Variants in TMEM135 observed in about 807,000 individuals in gnomAD.
TMEM135 encodes transmembrane protein 135, also known as peroxisomal membrane protein 52.
TMEM135 carries 30 observed loss-of-function variants against 60.3 expected under a neutral mutation model. The observed-to-expected ratio is 0.50, with a 90% CI of 0.37 to 0.68. The LOEUF is 0.68. Ranked by LOEUF, TMEM135 falls within the 30% of genes least tolerant of loss-of-function variation. The pLI is 0.00. For synonymous variants in TMEM135, 190 were observed against 186.7 expected (o/e 1.02, Z -0.14); for missense variants, 468 against 548.8 (o/e 0.85, Z 1.47).
intron 5 of TMEM135, among the ~76,000 whole-genome samples, chr11:87,163,463 G>A (rs1286556315): frequency 1.3e-5 from 2 of 150,008 alleles, no homozygotes; most frequent in African/African-American, 4.9e-5. Context: ...TTGGTTCCAA[G>A]TCTTTGCTAT....
intron 4 of TMEM135, among the ~76,000 whole-genome samples, chr11:87,107,269 G>GT (rs886988608): frequency 2.0e-4 from 30 of 151,806 alleles, no homozygotes; most frequent in African/African-American, 5.1e-4. Context: ...ATTATTCATA[G>GT]TTTTTTTTAT....
chr11:87,239,276 A>C (rs1410293937), intron 6 of TMEM135, among the ~76,000 whole-genome samples: 1 of 152,112 alleles, frequency 6.6e-6, no homozygotes, highest in Non-Finnish European at 1.5e-5. Flanking sequence ...TCCTAAAAGA[A>C]GTACTATCAC....
intron 6 of TMEM135, among the ~76,000 whole-genome samples, chr11:87,276,558 TTGTGTG>T (rs199780176): frequency 1.3e-5 from 2 of 148,788 alleles, no homozygotes; most frequent in South Asian, 2.1e-4. Context: ...ATAAGAGTGT[TTGTGTG>T]TGTGTGTGTG....
At chr11:87,145,087 T>C (rs1938377235) in intron 4 of TMEM135, among the ~76,000 whole-genome samples, 1 of 152,308 alleles carries the variant, frequency 6.6e-6, no homozygotes, top group Non-Finnish European at 1.5e-5. Context: ...GGAGATTTTC[T>C]ACCCTTTGAT....
intron 4 of TMEM135, among the ~76,000 whole-genome samples, chr11:87,128,187 A>G (rs962317248): frequency 2.6e-5 from 4 of 152,204 alleles, no homozygotes; most frequent in Non-Finnish European, 5.9e-5. Flanking sequence ...GAGCTGGAAA[A>G]CAAAACTACA....
chr11:87,277,818 G>A (rs948580008), intron 6 of TMEM135, among the ~76,000 whole-genome samples: 9 of 152,016 alleles, frequency 5.9e-5, no homozygotes, highest in Non-Finnish European at 1.2e-4. Flanking sequence ...CACCATGCCC[G>A]GCCAACTCTT....
At chr11:87,320,245 A>G (rs985015847) in intron 14 of TMEM135, among the ~76,000 whole-genome samples, 4 of 152,152 alleles carry the variant, frequency 2.6e-5, no homozygotes, top group Non-Finnish European at 5.9e-5. Context: ...TAAAATGTAC[A>G]AAGGGGTTAG....
intron 9 of TMEM135, among the ~76,000 whole-genome samples, chr11:87,306,533 T>C (rs1942546350): frequency 6.6e-6 from 1 of 152,148 alleles, no homozygotes; most frequent in African/African-American, 2.4e-5. Context: ...TTAAGAGAGC[T>C]AACTATGCCT....
At chr11:87,042,224 G>T (rs1949755917) in intron 1 of TMEM135, among the ~76,000 whole-genome samples, 1 of 152,190 alleles carries the variant, frequency 6.6e-6, no homozygotes, top group Non-Finnish European at 1.5e-5. Flanking sequence ...GACTGATTGG[G>T]GAAGCAAGGT....
intron 6 of TMEM135, among the ~76,000 whole-genome samples, chr11:87,255,347 T>C (rs1591144026): frequency 6.6e-6 from 1 of 152,248 alleles, no homozygotes. Context: ...CATTGAAAAC[T>C]GGATTTAAAA....
At chr11:87,319,131 A>C in intron 13 of TMEM135, 179 bp from the exon 14 acceptor site, 1 of 598,878 alleles carries the variant, frequency 1.7e-6, no homozygotes, top group Non-Finnish European at 3.0e-6. Flanking sequence ...GGCCTCCCCA[A>C]GTGCTGAGAT....
At chr11:87,083,567 A>G (rs545275325) in intron 3 of TMEM135, among the ~76,000 whole-genome samples, 1 of 152,320 alleles carries the variant, frequency 6.6e-6, no homozygotes, top group Admixed American at 6.5e-5. Flanking sequence ...GTATGACCAG[A>G]ATGAATGATC....
At chr11:87,039,630 C>T (rs947528211) in intron 1 of TMEM135, among the ~76,000 whole-genome samples, 6 of 152,064 alleles carry the variant, frequency 3.9e-5, no homozygotes, top group African/African-American at 9.7e-5. Flanking sequence ...AGTGCAGTGG[C>T]GCAATCACGG....
intron 5 of TMEM135, among the ~76,000 whole-genome samples, chr11:87,189,064 T>G (rs1033925044): frequency 7.9e-5 from 12 of 151,170 alleles, no homozygotes; most frequent in African/African-American, 1.9e-4. Context: ...TACTTTTCCT[T>G]TTTTCTTTCC....
intron 13 of TMEM135, 137 bp from the exon 14 acceptor site, chr11:87,319,173 G>A: frequency 1.3e-6 from 1 of 772,770 alleles, no homozygotes; most frequent in Non-Finnish European, 2.2e-6. Flanking sequence ...CCAGCCAAAA[G>A]CAACATTTTT....
chr11:87,123,218 C>A lies in TMEM135; in HGVS notation c.396+31823C>A, dbSNP rs374454080. On this transcript the variant is annotated intron_variant, in intron 4 of 14. Transcript: ENST00000305494. The stretch of plus-strand genomic sequence containing the variant: ...GCTTTCGGCAACAGAAATTTATTCT[C>A]TCTCAGTTCAGAGGCTAGAAACCTG... Among the ~76,000 whole-genome samples the A allele has an allele frequency of 7.7e-4, 117 of 152,316 alleles. 4 individuals are homozygous for A. The South Asian group carries it at 0.023, about 30-fold the overall frequency.
At chr11:87,207,436 A>G (rs1940260429) in intron 5 of TMEM135, among the ~76,000 whole-genome samples, 3 of 152,012 alleles carry the variant, frequency 2.0e-5, no homozygotes, top group Non-Finnish European at 4.4e-5. Context: ...TGTCCCTTAG[A>G]TCTCCTTTTG....
At chr11:87,070,109 G>T (rs901270234) in intron 2 of TMEM135, among the ~76,000 whole-genome samples, 1 of 152,038 alleles carries the variant, frequency 6.6e-6, no homozygotes, top group Non-Finnish European at 1.5e-5. Flanking sequence ...GGAATTTCGG[G>T]CTACAGTGAA....
intron 3 of TMEM135, among the ~76,000 whole-genome samples, chr11:87,077,746 C>T (rs1304642870): frequency 6.6e-6 from 1 of 152,222 alleles, no homozygotes. Flanking sequence ...TAACTGTCAC[C>T]CCCTAATCCT....
Sources: gnomAD v4.1 joint callset for allele counts (sites outside exome capture counted in the v4.1 genomes callset) on GRCh38, gnomAD v4.1.1 for gene constraint, MANE v1.5 for transcripts, NCBI Gene and HGNC (gene_info 2026-07-23, HGNC 2026-07-21) for gene names.